The following PRKCH variants were observed in gnomAD, a reference collection of about 807,000 sequenced individuals.
PRKCH encodes the protein protein kinase C eta, also known as protein kinase C eta type.
A neutral mutation model predicts 82.5 loss-of-function variants in PRKCH; 28 were observed. That is an observed-to-expected ratio of 0.34 (90% CI 0.25 to 0.47). PRKCH has a LOEUF of 0.47. Among genes scored for constraint, PRKCH ranks in the 20% least tolerant of loss-of-function variants. PRKCH has a pLI of 1.00. For synonymous variants in PRKCH, 322 were observed against 327.4 expected, an observed-to-expected ratio of 0.98 and a Z score of 0.18; for missense variants, 705 against 881.8, an observed-to-expected ratio of 0.80 and a Z score of 2.54.
intron 1 of PRKCH, among the ~76,000 whole-genome samples, chr14:61,272,340 C>CTTTTTTTTTTTTTTTTTTTTTTTTT (rs1335053986): frequency 3.1e-5 from 3 of 97,838 alleles, no homozygotes; most frequent in African/African-American, 4.0e-5. Context: ...TTTCTTTTTT[C>CTTTTTTTTTTTTTTTTTTTTTTTTT]TTTCTTTTTT....
intron 1 of PRKCH, among the ~76,000 whole-genome samples, chr14:61,369,505 C>CT: frequency 6.6e-6 from 1 of 152,116 alleles, no homozygotes; most frequent in East Asian, 1.9e-4. Context: ...TGTAGCTCAA[C>CT]TTTAAGAAAA....
In PRKCH at chr14:61,468,969, A is replaced by AT. The variant is rs768695969; in HGVS notation, c.1278+11292dup. 1.7e-4 allele frequency among the ~76,000 whole-genome samples: 26 copies of AT among 152,336 alleles called. 1 individual carries two copies. The South Asian group carries it at 3.7e-3, about 22-fold the overall frequency. ...TACTCTGGCTTCAGTAGGGCCCTGTATTGAAACACCAAGTGCCAGGACTGC... is the reference window on the plus strand; with the variant it reads ...TACTCTGGCTTCAGTAGGGCCCTGTATTTGAAACACCAAGTGCCAGGACTGC... On this transcript the variant is annotated intron_variant, in intron 9 of 13. Transcript: ENST00000332981.
chr14:61,453,198 A>G (rs760107485), intron 6 of PRKCH, 28 bp from the exon 7 acceptor site: 1 of 1,614,080 alleles, frequency 6.2e-7, no homozygotes, highest in South Asian at 1.1e-5. Context: ...CTTTCTGAAC[A>G]TGGATTCTGT....
chr14:61,438,802 G>A (rs944262997), intron 2 of PRKCH, among the ~76,000 whole-genome samples: 22 of 152,164 alleles, frequency 1.4e-4, no homozygotes, highest in African/African-American at 4.1e-4. Flanking sequence ...AACAAGCATG[G>A]GGTGACAGTC....
At chr14:61,297,976 A>G (rs1238025613) in intron 1 of PRKCH, among the ~76,000 whole-genome samples, 1 of 152,146 alleles carries the variant, frequency 6.6e-6, no homozygotes, top group Non-Finnish European at 1.5e-5. Flanking sequence ...CAATCCCAGG[A>G]GCTAGCTTTT....
chr14:61,251,483 T>C (rs1045516661), intron 1 of PRKCH, among the ~76,000 whole-genome samples: 1 of 152,238 alleles, frequency 6.6e-6, no homozygotes, highest in Admixed American at 6.5e-5. Context: ...CTTATTTCAC[T>C]TAACAAAATG....
chr14:61,549,435 A>G (rs572319541), intron 13 of PRKCH, among the ~76,000 whole-genome samples: 1 of 152,332 alleles, frequency 6.6e-6, no homozygotes, highest in East Asian at 1.9e-4. Flanking sequence ...TTAGCCTCCC[A>G]TTAAGACAGG....
chr14:61,368,206 T>C (rs1407223305), intron 1 of PRKCH, among the ~76,000 whole-genome samples: 4 of 152,012 alleles, frequency 2.6e-5, no homozygotes, highest in Non-Finnish European at 5.9e-5. Context: ...CCTGCTGGGC[T>C]GCCTTACAGC....
intron 2 of PRKCH, among the ~76,000 whole-genome samples, chr14:61,404,531 A>G (rs1340983962): frequency 7.5e-6 from 1 of 133,280 alleles, no homozygotes; most frequent in African/African-American, 2.8e-5. Context: ...ATATTCATGC[A>G]TGTGTGTATG....
chr14:61,403,595 A>T (rs1231697904), intron 2 of PRKCH, among the ~76,000 whole-genome samples: 1 of 152,234 alleles, frequency 6.6e-6, no homozygotes, highest in Non-Finnish European at 1.5e-5. Flanking sequence ...GCTGCCTGTT[A>T]CAGATAGCTT....
chr14:61,369,664 T>C (rs1053576581), intron 1 of PRKCH, among the ~76,000 whole-genome samples: 1 of 152,104 alleles, frequency 6.6e-6, no homozygotes. Context: ...TTGCAGTCAG[T>C]GTTCTTTTCT....
chr14:61,494,743 C>T (rs1184563197), intron 10 of PRKCH, among the ~76,000 whole-genome samples: 1 of 152,254 alleles, frequency 6.6e-6, no homozygotes, highest in African/African-American at 2.4e-5. Context: ...ATTCTCAAGA[C>T]ACTGCCTGAA....
chr14:61,286,706 G>A (rs2045316856), intron 1 of PRKCH, among the ~76,000 whole-genome samples: 1 of 152,110 alleles, frequency 6.6e-6, no homozygotes, highest in Admixed American at 6.6e-5. Context: ...AACCTGGGAG[G>A]TGGAGGTTGC....
chr14:61,440,925 C>CTG (rs138204269), intron 2 of PRKCH, among the ~76,000 whole-genome samples: 2 of 147,358 alleles, frequency 1.4e-5, no homozygotes, highest in Middle Eastern at 3.2e-3. Flanking sequence ...CATTTTTTTT[C>CTG]TTTTTTTTTT....
At chr14:61,436,903 T>G (rs1283073201) in intron 2 of PRKCH, among the ~76,000 whole-genome samples, 2 of 152,246 alleles carry the variant, frequency 1.3e-5, no homozygotes, top group Non-Finnish European at 2.9e-5. Context: ...AAATTCCTGG[T>G]ACCTTCTCCC....
Position 61,210,111 on chromosome 14 carries a change from AATATATATATATAT to A in PRKCH, c.-19+22481_-19+22494del, listed in dbSNP as rs60055073. Reference sequence around the variant, plus strand: ...AAAAAACAAAACAAACAAACAAACAAATATATATATATATATATATATATATATATATATATATA... The same window carrying A: ...AAAAAACAAAACAAACAAACAAACAAATATATATATATATATATATATATA... On this transcript the variant is annotated intron_variant, in intron 1 of 3. Coordinates refer to the PRKCH transcript ENST00000555185. 2.7e-3 allele frequency among the ~76,000 whole-genome samples: 233 copies of A among 87,382 alleles called. 1 individual carries two copies. The highest frequency in any genetic ancestry group is 4.2e-3 in the Non-Finnish European group (169 of 40,262). The allele number at this position is 87,382 out of a possible 152,430, so 57.3% of individuals were successfully genotyped here. A position where few individuals can be genotyped will look rare whatever the true frequency, so the allele number is the denominator to read the frequency against.
chr14:61,434,468 G>A lies in PRKCH; in HGVS notation c.428-8643G>A, dbSNP rs933639551. On this transcript the variant is annotated intron_variant, in intron 2 of 13. Coordinates refer to ENST00000332981, the MANE Select transcript of PRKCH (RefSeq NM_006255.5). ...TAATGAGAAAAAAAAACACCAAAAA[G>A]GAAGAAAGAAGAAGTGGCAGCTAAA... is the stretch of plus-strand genomic sequence containing the variant. Among the ~76,000 whole-genome samples, 5 of 152,160 alleles carry A rather than the reference G, an allele frequency of 3.3e-5. No homozygotes were observed. In the East Asian group the frequency reaches 5.8e-4, roughly 18 times the overall value.
intron 1 of PRKCH, among the ~76,000 whole-genome samples, chr14:61,352,987 A>G (rs2046102638): frequency 1.3e-5 from 2 of 152,218 alleles, no homozygotes; most frequent in South Asian, 2.1e-4. Context: ...GTAATCAAAA[A>G]CATTAATACT....
chr14:61,454,797 G>C (rs372852658), intron 7 of PRKCH, among the ~76,000 whole-genome samples: 19 of 152,254 alleles, frequency 1.2e-4, no homozygotes, highest in African/African-American at 4.3e-4. Context: ...ATGTCTTACT[G>C]TTGCCTTCCT....
Sources: allele counts gnomAD v4.1 joint callset (sites outside exome capture counted in the v4.1 genomes callset), GRCh38; gene constraint gnomAD v4.1.1; transcripts MANE v1.5; gene names NCBI Gene and HGNC (gene_info 2026-07-23, HGNC 2026-07-21).